The following EXT2 variants were observed in gnomAD, a reference collection of about 807,000 sequenced individuals.
EXT2 encodes the protein exostosin glycosyltransferase 2.
A neutral mutation model predicts 81.6 loss-of-function variants in EXT2; 53 were observed. The ratio of observed to expected loss-of-function variants is 0.65; its 90% confidence interval spans 0.52 to 0.82. EXT2 has a LOEUF of 0.82. EXT2 is among the 40% of genes least tolerant of loss of function. EXT2 has a pLI of 0.00. For synonymous variants in EXT2, 320 were observed against 340.0 expected (o/e 0.94, Z 0.65); for missense variants, 774 against 910.2 (o/e 0.85, Z 1.93).
At chr11:44,157,028 G>A (rs1360328041) in intron 7 of EXT2, among the ~76,000 whole-genome samples, 1 of 152,164 alleles carries the variant, frequency 6.6e-6, no homozygotes, top group South Asian at 2.1e-4. Flanking sequence ...GGAAGAATTC[G>A]CTGGGTACTA....
At chr11:44,165,099 C>G (rs570483338) in intron 7 of EXT2, among the ~76,000 whole-genome samples, 3 of 151,974 alleles carry the variant, frequency 2.0e-5, no homozygotes, top group African/African-American at 7.2e-5. Flanking sequence ...GGGATGGTCT[C>G]GATCTCCTGA....
intron 5 of EXT2, 98 bp downstream of exon 5, chr11:44,125,082 C>T: frequency 8.9e-7 from 1 of 1,122,110 alleles, no homozygotes; most frequent in Non-Finnish European, 1.3e-6. Context: ...CAGCATGCAA[C>T]TAGAATTACC....
At chr11:44,096,176 T>A in intron 1 of EXT2, 8 of 1,277,708 alleles carry the variant, frequency 6.3e-6, no homozygotes, top group Non-Finnish European at 8.8e-6. Flanking sequence ...CGACCCGCCC[T>A]CCGCCCTCCG....
At chr11:44,197,644 T>A (rs1955471148) in intron 8 of EXT2, among the ~76,000 whole-genome samples, 185 bp from the exon 9 acceptor site, 2 of 152,208 alleles carry the variant, frequency 1.3e-5, no homozygotes, top group South Asian at 4.1e-4. Context: ...TCCAGTGATA[T>A]CAGAACCAAA....
At chr11:44,222,739 T>A (rs1037397509) in intron 10 of EXT2, among the ~76,000 whole-genome samples, 1 of 151,922 alleles carries the variant, frequency 6.6e-6, no homozygotes, top group African/African-American at 2.4e-5. Flanking sequence ...TTCTTAGATA[T>A]GACACCAAAA....
chr11:44,233,978 C>G, intron 11 of EXT2, 137 bp from the exon 12 acceptor site: 1 of 1,229,468 alleles, frequency 8.1e-7, no homozygotes, highest in Non-Finnish European at 1.2e-6. Context: ...CTCCTTTTAC[C>G]CTTCCTATTA....
chr11:44,194,527 GTCTGGTGTTCTGAA>G (rs1955433145), intron 8 of EXT2, among the ~76,000 whole-genome samples: 1 of 152,164 alleles, frequency 6.6e-6, no homozygotes, highest in East Asian at 1.9e-4. Flanking sequence ...AACCATTACC[GTCTGGTGTTCTGAA>G]ATCAGATTGC....
rs1452946923 is a variant in EXT2, at chr11:44,173,486, T to TTGA, written c.1305+1744_1305+1745insTGA. On this transcript the variant is annotated intron_variant, in intron 8 of 13. Transcript: ENST00000533608. ...TAGGATGGCTGTATTAGTATTCAAT[T>TTGA]GTTTGGGTATATCGTATGTAATAGG... 3.3e-5 allele frequency among the ~76,000 whole-genome samples: 5 copies of TTGA among 151,746 alleles called. No homozygotes were observed. The East Asian group carries it at 9.6e-4, about 29-fold the overall frequency.
intron 7 of EXT2, among the ~76,000 whole-genome samples, chr11:44,163,758 G>A (rs910395316): frequency 1.5e-4 from 23 of 152,186 alleles, no homozygotes; most frequent in African/African-American, 5.5e-4. Flanking sequence ...TGCTAAGAGG[G>A]AGAAGATTTG....
At chr11:44,216,261 T>C (rs1955718390) in intron 10 of EXT2, among the ~76,000 whole-genome samples, 1 of 152,202 alleles carries the variant, frequency 6.6e-6, no homozygotes, top group African/African-American at 2.4e-5. Context: ...TGCAGAAGAA[T>C]AGACCAAGTG....
chr11:44,115,758 A>G (rs540864156), intron 4 of EXT2: 1 of 152,208 alleles, frequency 6.6e-6, no homozygotes, highest in Non-Finnish European at 1.5e-5. Flanking sequence ...TCAGGAGAAG[A>G]CATCTCTCTC....
chr11:44,116,986 T>C (rs1954230435), intron 4 of EXT2: 1 of 151,196 alleles, frequency 6.6e-6, no homozygotes, highest in Non-Finnish European at 1.5e-5. Flanking sequence ...TTTTTTTTTT[T>C]GAGACGGAGT....
chr11:44,157,689 G>A (rs1954873897), intron 7 of EXT2, among the ~76,000 whole-genome samples: 1 of 152,090 alleles, frequency 6.6e-6, no homozygotes, highest in East Asian at 1.9e-4. Flanking sequence ...CCTGGGATAA[G>A]ACCCCAAAGT....
intron 5 of EXT2, among the ~76,000 whole-genome samples, chr11:44,125,678 T>C (rs1449519970): frequency 2.2e-5 from 3 of 137,938 alleles, no homozygotes; most frequent in African/African-American, 7.7e-5. Context: ...GGAGCTGGTG[T>C]GATTTTTTTT....
intron 1 of EXT2, among the ~76,000 whole-genome samples, chr11:44,098,712 A>G (rs956108854): frequency 2.0e-5 from 3 of 148,682 alleles, no homozygotes; most frequent in East Asian, 4.0e-4. Flanking sequence ...AAAAAAAAAA[A>G]GCAGGGGTGG....
intron 8 of EXT2, 141 bp downstream of exon 8, chr11:44,171,883 A>G (rs974086492): frequency 5.5e-6 from 7 of 1,272,858 alleles, no homozygotes; most frequent in Non-Finnish European, 7.9e-6. Context: ...TTGGGGCCTG[A>G]TAAGGGCAGC....
chr11:44,144,873 T>G (rs570298625), intron 7 of EXT2, among the ~76,000 whole-genome samples: 8 of 152,166 alleles, frequency 5.3e-5, no homozygotes, highest in African/African-American at 1.4e-4. Context: ...TTTTGAAAGT[T>G]TTTTTTTAAT....
At chr11:44,183,045 G>C (rs1955258494) in intron 8 of EXT2, among the ~76,000 whole-genome samples, 1 of 152,084 alleles carries the variant, frequency 6.6e-6, no homozygotes, top group South Asian at 2.1e-4. Flanking sequence ...TTTGATTTGG[G>C]TTTGTCTGAT....
intron 9 of EXT2, among the ~76,000 whole-genome samples, chr11:44,201,118 G>A (rs1281287080): frequency 6.6e-6 from 1 of 152,128 alleles, no homozygotes; most frequent in Non-Finnish European, 1.5e-5. Flanking sequence ...GTCTGTTATA[G>A]GTTCACAGGA....
Sources: allele counts gnomAD v4.1 joint callset (sites outside exome capture counted in the v4.1 genomes callset), GRCh38; gene constraint gnomAD v4.1.1; transcripts MANE v1.5; gene names NCBI Gene and HGNC (gene_info 2026-07-23, HGNC 2026-07-21).